Variants in ATG4A observed in about 807,000 individuals in gnomAD.
ATG4A encodes the protein autophagy related 4A cysteine peptidase.
Under a neutral mutation model 38.4 loss-of-function variants are expected in ATG4A, and 22 were observed. The ratio of observed to expected loss-of-function variants is 0.57; its 90% confidence interval spans 0.41 to 0.82. The LOEUF is 0.82. Among genes scored for constraint, ATG4A ranks in the 40% least tolerant of loss-of-function variants. The pLI is 0.00. For missense variants in ATG4A, 220 were observed against 290.0 expected, an observed-to-expected ratio of 0.76 and a Z score of 1.75; for synonymous variants, 86 against 100.7, an observed-to-expected ratio of 0.85 and a Z score of 0.88.
chrX:108,095,508 G>A (rs999210909), intron 1 of ATG4A, among the ~76,000 whole-genome samples: 2 of 111,328 alleles, frequency 1.8e-5, no homozygotes, highest in African/African-American at 6.5e-5. Flanking sequence ...ACAGGTGTGA[G>A]CCACCATGTC....
intron 10 of ATG4A, among the ~76,000 whole-genome samples, chrX:108,150,593 C>T (rs2033561154): frequency 8.9e-6 from 1 of 112,941 alleles, no homozygotes; most frequent in Admixed American, 9.3e-5. Context: ...TTCCACATGG[C>T]TGGGGAGGAC....
chrX:108,151,741 A>G (rs2033593047), intron 10 of ATG4A, 61 bp from the exon 11 acceptor site: 1 of 1,115,897 alleles, frequency 9.0e-7, no homozygotes, highest in Non-Finnish European at 1.2e-6. Flanking sequence ...TTCTGGGCCA[A>G]CAGCTCCATT....
At chrX:108,132,349 ATGAG>A (rs2032979912) in intron 4 of ATG4A, among the ~76,000 whole-genome samples, 2 of 112,089 alleles carry the variant, frequency 1.8e-5, no homozygotes, top group South Asian at 3.7e-4. Context: ...GACACTTTGG[ATGAG>A]ATTGGGCTGC....
At chrX:108,108,208 T>C (rs980044260) in intron 1 of ATG4A, among the ~76,000 whole-genome samples, 4 of 95,533 alleles carry the variant, frequency 4.2e-5, no homozygotes, top group Non-Finnish European at 8.2e-5. Context: ...GGTTGCTGGC[T>C]TCTCCATCAC....
In ATG4A at chrX:108,150,236, T is replaced by C; in HGVS notation, c.899T>C (p.Phe300Ser). 8.3e-7 allele frequency: 1 copy of C among 1,212,106 alleles called. No individual in the cohort carries two copies. Among genetic ancestry groups the C allele is most frequent in the East Asian group, 3.0e-5 (1 of 33,861 alleles). Reference protein sequence around the residue: ...EENGTVNDQTFHCLQSPQRMN... With the variant: ...EENGTVNDQTSHCLQSPQRMN... Reference sequence around the variant, plus strand: ...AATGGAACGGTTAATGACCAGACTTTCCATTGCCTGCAGTCCCCACAGCGA... The same window carrying C: ...AATGGAACGGTTAATGACCAGACTTCCCATTGCCTGCAGTCCCCACAGCGA... Residue 300 changes from phenylalanine to serine, a missense_variant, in exon 10 of 13, where the codon TTC (phenylalanine) becomes TCC (serine). Physicochemically the swap from Phe to Ser is radical, Grantham distance 155. Transcript: ENST00000372232.
In ATG4A at chrX:108,154,315, G is replaced by T. The variant is rs2033657135; in HGVS notation, c.*603G>T. The T allele has an allele frequency of 8.9e-6, 1 of 112,475 alleles. No individual in the cohort carries two copies. The highest frequency in any genetic ancestry group is 3.7e-4 in the South Asian group (1 of 2,732). The allele number at this position is 112,475 out of a possible 1,213,427, so 9.3% of individuals were successfully genotyped here. On this transcript the variant is annotated 3_prime_UTR_variant, in exon 13 of 13. Transcript: ENST00000372232. Reference sequence around the variant, plus strand: ...GTTTGCGGGGATCTTACTATTTGATGGGTCACTGTCCCCATTCTTACTGAT... The same window carrying T: ...GTTTGCGGGGATCTTACTATTTGATTGGTCACTGTCCCCATTCTTACTGAT...
intron 1 of ATG4A, among the ~76,000 whole-genome samples, chrX:108,121,964 C>T (rs893020643): frequency 8.9e-6 from 1 of 112,167 alleles, no homozygotes; most frequent in South Asian, 3.7e-4. Flanking sequence ...GCTGAGAAGG[C>T]TGTTTTAGCA....
At chrX:108,134,996 G>T (rs1008512841) in intron 6 of ATG4A, among the ~76,000 whole-genome samples, 1 of 111,545 alleles carries the variant, frequency 9.0e-6, no homozygotes, top group Non-Finnish European at 1.9e-5. Context: ...GTCCCAGTGT[G>T]GTATTTTTCC....
chrX:108,110,834 A>G (rs781011850), intron 1 of ATG4A, among the ~76,000 whole-genome samples: 63 of 112,261 alleles, frequency 5.6e-4, no homozygotes, highest in African/African-American at 1.9e-3. Context: ...TAAGTCTTCC[A>G]GTCCTTCTGT....
chrX:108,148,467 CAA>C (rs59447671), intron 9 of ATG4A, among the ~76,000 whole-genome samples: 7 of 78,796 alleles, frequency 8.9e-5, no homozygotes, highest in Admixed American at 4.7e-4. Flanking sequence ...GACCCTGTCT[CAA>C]AAAAAAAAAA....
intron 1 of ATG4A, among the ~76,000 whole-genome samples, chrX:108,118,704 C>T (rs981885832): frequency 5.4e-5 from 6 of 111,559 alleles, no homozygotes; most frequent in Non-Finnish European, 9.4e-5. Context: ...GTGCTGTCAT[C>T]TGGAATATTC....
chrX:108,099,366 T>C (rs1390444083), intron 1 of ATG4A, among the ~76,000 whole-genome samples: 2 of 111,687 alleles, frequency 1.8e-5, no homozygotes, highest in Admixed American at 1.9e-4. Flanking sequence ...CTGTTGAGTT[T>C]TCAGAGTGCT....
chrX:108,146,600 G>A (rs2033428062), intron 9 of ATG4A, among the ~76,000 whole-genome samples: 2 of 111,755 alleles, frequency 1.8e-5, no homozygotes, highest in South Asian at 3.8e-4. Flanking sequence ...AGCAATTACA[G>A]TACTCTTCGA....
chrX:108,093,619 C>G (rs1043276790), intron 1 of ATG4A, among the ~76,000 whole-genome samples: 1 of 111,609 alleles, frequency 9.0e-6, no homozygotes, highest in Non-Finnish European at 1.9e-5. Context: ...AAAATTTATG[C>G]TTAACTTCTT....
intron 1 of ATG4A, among the ~76,000 whole-genome samples, chrX:108,107,336 G>A (rs1436287237): frequency 8.9e-6 from 1 of 112,001 alleles, no homozygotes. Context: ...TTTGGTGATT[G>A]TGTTTTACAG....
intron 1 of ATG4A, among the ~76,000 whole-genome samples, chrX:108,124,531 A>C (rs1485090328): frequency 1.8e-5 from 2 of 108,312 alleles, no homozygotes; most frequent in Non-Finnish European, 3.8e-5. Context: ...GGCTCACTGC[A>C]ACCTCGGCCT....
At chrX:108,103,290 T>C (rs1184784338) in intron 1 of ATG4A, among the ~76,000 whole-genome samples, 1 of 111,799 alleles carries the variant, frequency 8.9e-6, no homozygotes, top group African/African-American at 3.3e-5. Flanking sequence ...AGTGCTGAAA[T>C]GGACATATGT....
chrX:108,105,822 C>A (rs999173389), intron 1 of ATG4A, among the ~76,000 whole-genome samples: 2 of 111,377 alleles, frequency 1.8e-5, no homozygotes, highest in African/African-American at 6.5e-5. Context: ...GTCTTTGTTC[C>A]CCCCACCCTG....
At chrX:108,103,610 G>A (rs1189885873) in intron 1 of ATG4A, among the ~76,000 whole-genome samples, 1 of 110,800 alleles carries the variant, frequency 9.0e-6, no homozygotes, top group Admixed American at 9.5e-5. Context: ...GTAGAGACAT[G>A]CTTTGATTCT....
Sources: gnomAD v4.1 joint callset for allele counts (sites outside exome capture counted in the v4.1 genomes callset) on GRCh38, gnomAD v4.1.1 for gene constraint, MANE v1.5 for transcripts, NCBI Gene and HGNC (gene_info 2026-07-23, HGNC 2026-07-21) for gene names.